The following NOL10 variants were observed in gnomAD, a reference collection of about 807,000 sequenced individuals.
NOL10 encodes the protein H_NH0074G24.1.
In NOL10, 58 loss-of-function variants were observed where a neutral mutation model predicts 103.5. The ratio of observed to expected loss-of-function variants is 0.56; its 90% CI spans 0.45 to 0.70. The LOEUF (loss-of-function observed/expected upper bound fraction) is 0.70, where lower values mean the gene tolerates loss of function less well. Among genes scored for constraint, NOL10 ranks in the 30% least tolerant of loss-of-function variants. NOL10 has a pLI of 0.00. For missense variants in NOL10, 763 were observed against 807.3 expected (o/e 0.95, Z 0.67); for synonymous variants, 287 against 282.5 (o/e 1.02, Z -0.16).
rs1261136717 is a variant in NOL10, at chr2:10,669,509, TATATAC to T, written c.465-792_465-787del. Among the ~76,000 whole-genome samples the T allele has an allele frequency of 1.3e-4, 4 of 31,464 alleles. No individual in the cohort carries two copies. In the South Asian group the frequency reaches 7.7e-3, roughly 61 times the overall value. 20.6% of individuals were successfully genotyped at this position (31,464 alleles called of 152,430 possible). ...ACACACACACACATACACACACACA[TATATAC>T]ACACACACACACACACACACACACA... On this transcript the variant is annotated intron_variant, in intron 6 of 20. Transcript: ENST00000381685.
intron 17 of NOL10, among the ~76,000 whole-genome samples, chr2:10,594,602 T>C (rs192682729): frequency 3.9e-5 from 6 of 152,284 alleles, no homozygotes; most frequent in East Asian, 3.9e-4. Flanking sequence ...GATAACTACA[T>C]AGAAAACGAG....
intron 17 of NOL10, 56 bp downstream of exon 17, chr2:10,600,794 AGAT>A: frequency 1.8e-6 from 2 of 1,088,676 alleles, no homozygotes; most frequent in Non-Finnish European, 2.7e-6. Context: ...ACAATAAAAA[AGAT>A]GTAAGTTACT....
chr2:10,680,067 G>C (rs1274332018), intron 3 of NOL10, among the ~76,000 whole-genome samples: 2 of 151,838 alleles, frequency 1.3e-5, no homozygotes, highest in East Asian at 3.9e-4. Flanking sequence ...TTGAGGCAAG[G>C]AGTTCGAGAC....
chr2:10,682,446 C>T (rs533620453), intron 2 of NOL10, among the ~76,000 whole-genome samples: 2 of 149,152 alleles, frequency 1.3e-5, no homozygotes, highest in East Asian at 3.9e-4. Flanking sequence ...GTCACCCAGA[C>T]TGGAGTGCAG....
chr2:10,618,895 T>A (rs915397985), intron 13 of NOL10, among the ~76,000 whole-genome samples: 3 of 152,220 alleles, frequency 2.0e-5, no homozygotes, highest in African/African-American at 7.2e-5. Context: ...ACAAAATCAA[T>A]TCACTCCTTT....
At chr2:10,658,033 TG>T in intron 10 of NOL10, 142 bp from the exon 11 acceptor site, 1 of 526,326 alleles carries the variant, frequency 1.9e-6, no homozygotes, top group Non-Finnish European at 3.2e-6. Flanking sequence ...TGCTGAGATT[TG>T]AGATTCTTTC....
chr2:10,686,855 G>C (rs1000489767), intron 1 of NOL10, among the ~76,000 whole-genome samples: 1 of 139,010 alleles, frequency 7.2e-6, no homozygotes, highest in Non-Finnish European at 1.7e-5. Flanking sequence ...GGAAATGTGG[G>C]GGGAAAGCTG....
chr2:10,652,169 G>T (rs573606294), intron 12 of NOL10, among the ~76,000 whole-genome samples: 1 of 151,964 alleles, frequency 6.6e-6, no homozygotes, highest in Non-Finnish European at 1.5e-5. Flanking sequence ...GAATCCGGGA[G>T]GGGGAGGTTG....
intron 13 of NOL10, among the ~76,000 whole-genome samples, chr2:10,617,849 C>G (rs149952832): frequency 6.6e-6 from 1 of 152,210 alleles, no homozygotes; most frequent in Non-Finnish European, 1.5e-5. Context: ...GAAGAAAAAA[C>G]AGACCACGTA....
At chr2:10,666,868 T>A (rs1045948396) in intron 8 of NOL10, among the ~76,000 whole-genome samples, 1 of 152,198 alleles carries the variant, frequency 6.6e-6, no homozygotes, top group African/African-American at 2.4e-5. Flanking sequence ...CTCTGGGGTG[T>A]AGGATTTGGT....
chr2:10,598,457 G>A (rs1675810687), intron 17 of NOL10, among the ~76,000 whole-genome samples: 1 of 152,228 alleles, frequency 6.6e-6, no homozygotes, highest in African/African-American at 2.4e-5. Flanking sequence ...AGCTGGCTGT[G>A]GGAATACAGG....
intron 14 of NOL10, chr2:10,604,565 A>G (rs1676146763): frequency 6.6e-6 from 1 of 152,236 alleles, no homozygotes; most frequent in South Asian, 2.1e-4. Context: ...GTGAATGTAT[A>G]CAACTGCACG....
intron 13 of NOL10, among the ~76,000 whole-genome samples, chr2:10,627,739 G>GGA (rs1329309915): frequency 1.1e-3 from 160 of 151,416 alleles, no homozygotes; most frequent in African/African-American, 3.8e-3. Context: ...CACATCTTTT[G>GGA]GAGAGAGAGG....
intron 17 of NOL10, 38 bp from the exon 18 acceptor site, chr2:10,589,789 T>C (rs2148163707): frequency 1.6e-6 from 2 of 1,282,956 alleles, no homozygotes; most frequent in Non-Finnish European, 1.0e-6. Context: ...TTTAAGTTAA[T>C]ATCTGACTAA....
chr2:10,587,369 C>G (rs1347780845), intron 19 of NOL10, among the ~76,000 whole-genome samples: 4 of 146,880 alleles, frequency 2.7e-5, no homozygotes. Flanking sequence ...CTCCCGGGTC[C>G]AAGCAATTCT....
intron 20 of NOL10, among the ~76,000 whole-genome samples, chr2:10,575,389 G>A (rs151240068): frequency 1.6e-4 from 24 of 152,194 alleles, no homozygotes; most frequent in Admixed American, 4.6e-4. Flanking sequence ...ACAACTGCCC[G>A]AATAAGTAAA....
intron 17 of NOL10, among the ~76,000 whole-genome samples, chr2:10,596,256 T>A (rs58633964): frequency 5.0e-5 from 1 of 19,918 alleles, no homozygotes; most frequent in Non-Finnish European, 1.0e-4. Flanking sequence ...CAGATGGTGG[T>A]GGGGGGCGGG....
At chr2:10,587,222 T>TATATACACATATATATATACATAC (rs1675139274) in intron 19 of NOL10, among the ~76,000 whole-genome samples, 1 of 58,602 alleles carries the variant, frequency 1.7e-5, no homozygotes, top group Non-Finnish European at 2.9e-5. Flanking sequence ...TATATACATA[T>TATATACACATATATATATACATAC]ATATACATAT....
chr2:10,669,227 C>T (rs979854017), intron 6 of NOL10, among the ~76,000 whole-genome samples: 2 of 151,452 alleles, frequency 1.3e-5, no homozygotes, highest in East Asian at 2.0e-4. Context: ...CAGGGTTTCA[C>T]CATGTTGGCC....
Sources: allele counts gnomAD v4.1 joint callset (sites outside exome capture counted in the v4.1 genomes callset), GRCh38; gene constraint gnomAD v4.1.1; transcripts MANE v1.5; gene names NCBI Gene and HGNC (gene_info 2026-07-23, HGNC 2026-07-21).